Variants in ADGRV1 observed in about 807,000 individuals in gnomAD.
ADGRV1 encodes the protein adhesion G protein-coupled receptor V1.
A neutral mutation model predicts 596.2 loss-of-function variants in ADGRV1; 359 were observed. That is an observed-to-expected ratio of 0.60 (90% CI 0.55 to 0.66). ADGRV1 has a LOEUF of 0.66. ADGRV1 is among the 30% of genes least tolerant of loss of function. The probability of loss-of-function intolerance (pLI) is 0.00; values close to 1 mark genes in which losing one functional copy is unlikely to be tolerated. For synonymous variants in ADGRV1, 2,681 were observed against 2,679.2 expected (o/e 1.00, Z -0.02); for missense variants, 7,274 against 7,575.6 (o/e 0.96, Z 1.48).
chr5:90,658,214 T>G lies in ADGRV1; in HGVS notation c.4688T>G (p.Leu1563Ter). 6.4e-7 allele frequency: 1 copy of G among 1,558,900 alleles called. No individual in the cohort carries two copies. The highest frequency in any genetic ancestry group is 8.7e-7 in the Non-Finnish European group (1 of 1,152,400). Residue 1563 changes from leucine (L) to a stop codon, truncating the protein, a stop_gained, in exon 21 of 90, where the codon TTA becomes TGA. Transcript: ENST00000405460. LOFTEE classifies it high-confidence loss of function. The stretch of plus-strand genomic sequence containing the variant: ...TCGGAAGAAAATACTACTGCAAGAT[T>G]AACAATACAAAAAAGTGACAATGCA... ...RISEENTTAR[L>*]TIQKSDNANG...
chr5:90,642,651 C>A lies in ADGRV1; in HGVS notation c.2256C>A (p.Asn752Lys). The A allele has an allele frequency of 6.2e-7, 1 of 1,613,190 alleles. No homozygotes were observed. Among genetic ancestry groups the A allele is most frequent in the South Asian group, 1.1e-5 (1 of 90,956 alleles). The change falls in exon 12 of 90, where the codon AAC (asparagine) becomes AAA (lysine). Residue 752 changes from asparagine to lysine, a missense_variant. Around this residue, in one of 5 missense-constraint regions of ADGRV1, gnomAD observed 1,715 missense variants for 1,708.8 expected, o/e 1.00. Transcript: ENST00000405460. The stretch of plus-strand genomic sequence containing the variant: ...ACTTCTCTAGGGTTAACGTGGAAAA[C>A]CAAGTGCTGAAATCTGGATATACTA... ...TLSLDRVNVE[N>K]QVLKSGYTSR...
At chr5:90,928,063 C>T (rs1358727078) in intron 83 of ADGRV1, among the ~76,000 whole-genome samples, 3 of 152,162 alleles carry the variant, frequency 2.0e-5, no homozygotes, top group African/African-American at 7.2e-5. Flanking sequence ...CTGCCCTTAA[C>T]ATTTTTTCCT....
intron 52 of ADGRV1, among the ~76,000 whole-genome samples, chr5:90,747,166 G>A (rs545018751): frequency 3.9e-5 from 6 of 152,124 alleles, no homozygotes; most frequent in Non-Finnish European, 7.4e-5. Context: ...ATGAGGGTGT[G>A]AGCTATGTAA....
intron 83 of ADGRV1, among the ~76,000 whole-genome samples, chr5:90,962,449 T>C (rs1019456436): frequency 6.6e-6 from 1 of 152,228 alleles, no homozygotes; most frequent in Non-Finnish European, 1.5e-5. Flanking sequence ...TCTGGTAATC[T>C]CTATGTGTTT....
At chr5:90,928,949 T>A (rs1033130950) in intron 83 of ADGRV1, among the ~76,000 whole-genome samples, 2 of 146,300 alleles carry the variant, frequency 1.4e-5, no homozygotes, top group Admixed American at 1.4e-4. Context: ...TGCTCGGGGG[T>A]CAGGGGTCAG....
At chr5:90,579,020 G>T (rs534012463) in intron 1 of ADGRV1, among the ~76,000 whole-genome samples, 1 of 151,928 alleles carries the variant, frequency 6.6e-6, no homozygotes, top group African/African-American at 2.4e-5. Context: ...TCTTGCTAGC[G>T]GTCTACCTAT....
chr5:90,955,195 C>T (rs1027898126), intron 83 of ADGRV1, among the ~76,000 whole-genome samples: 1 of 152,106 alleles, frequency 6.6e-6, no homozygotes, highest in East Asian at 1.9e-4. Context: ...GATAAATAAA[C>T]GTTTGTTGTT....
intron 3 of ADGRV1, among the ~76,000 whole-genome samples, 183 bp downstream of exon 3, chr5:90,618,136 C>T (rs1763603332): frequency 6.6e-6 from 1 of 152,186 alleles, no homozygotes; most frequent in African/African-American, 2.4e-5. Context: ...ATTCCTTGAT[C>T]TTGTTCAGAA....
In ADGRV1 at chr5:90,791,156, G is replaced by T. The variant is rs1361391405; in HGVS notation, c.14327G>T (p.Gly4776Val). 6.2e-7 allele frequency: 1 copy of T among 1,613,904 alleles called. No individual in the cohort carries two copies. The highest frequency in any genetic ancestry group is 2.2e-5 in the East Asian group (1 of 44,876). Residue 4776 changes from glycine to valine, a missense_variant, in exon 70 of 90, where the codon GGG becomes GTG. Physicochemically the swap from Gly to Val is moderately radical, Grantham distance 109 (BLOSUM62 -3). Transcript: ENST00000405460. ...TCGGATCGCCAGTCAATACTTATTG[G>T]GCAGAACCTTATTAGATCCATCCAA... The part of the protein sequence containing the change: ...LYSDRQSILI[G>V]QNLIRSIQIN...
At position 90,829,176 on chromosome 5, in the gene ADGRV1, T is replaced by C. The variant is rs753383512; in HGVS notation, c.16601T>C (p.Phe5534Ser). 1 of 1,527,706 alleles carries C rather than the reference T, an allele frequency of 6.5e-7. No individual in the cohort carries two copies. Among genetic ancestry groups the C allele is most frequent in the Non-Finnish European group, 8.9e-7 (1 of 1,127,942 alleles). The allele number at this position is 1,527,706 out of a possible 1,614,324, so 94.6% of individuals were successfully genotyped here. A position where few individuals can be genotyped will look rare whatever the true frequency, so the allele number is the denominator to read the frequency against. ...SGTGLMMSVN[F>S]STQELRSAET... ...ACAGGACTAATGATGTCTGTTAACT[T>C]TAGTACCCAGGTAAGCATGGAATAT... is the stretch of plus-strand genomic sequence containing the variant. The change falls in exon 77 of 90, where the codon TTT (phenylalanine) becomes TCT (serine). Residue 5534 changes from phenylalanine to serine, a missense_variant. Phe to Ser is a radical substitution (Grantham distance 155). Transcript: ENST00000405460.
chr5:90,809,293 TACACACAC>T (rs60659185), intron 73 of ADGRV1, among the ~76,000 whole-genome samples: 2 of 134,536 alleles, frequency 1.5e-5, no homozygotes, highest in African/African-American at 2.8e-5. Context: ...CGGGCATAAA[TACACACAC>T]ACACACACAC....
intron 86 of ADGRV1, among the ~76,000 whole-genome samples, chr5:91,080,038 C>T (rs534347833): frequency 2.6e-4 from 39 of 152,042 alleles, no homozygotes; most frequent in Admixed American, 2.0e-3. Context: ...CGTATGTTAT[C>T]TCAGTTTAAT....
chr5:90,718,213 C>G (rs528216508), intron 43 of ADGRV1: 1 of 152,158 alleles, frequency 6.6e-6, no homozygotes, highest in Admixed American at 6.5e-5. Flanking sequence ...CTAGATATTT[C>G]GCATATGTGA....
Position 91,099,144 on chromosome 5 carries a change from G to A in ADGRV1, c.18311-3075G>A, listed in dbSNP as rs533565613. On this transcript the variant is annotated intron_variant, in intron 86 of 89. Coordinates refer to ENST00000405460, the MANE Select transcript of ADGRV1 (RefSeq NM_032119.4). ...AGTGACAAAGAAATTATTCATCTACGTAAATCTTCTTGTATTAGTCTTACT... is the reference window on the plus strand; with the variant it reads ...AGTGACAAAGAAATTATTCATCTACATAAATCTTCTTGTATTAGTCTTACT... Among the ~76,000 whole-genome samples, 8 of 151,726 alleles carry A rather than the reference G, an allele frequency of 5.3e-5. No homozygotes were observed. The East Asian group carries it at 7.7e-4, about 15-fold the overall frequency.
At chr5:90,675,514 G>A in intron 24 of ADGRV1, 69 bp downstream of exon 24, 3 of 1,351,292 alleles carry the variant, frequency 2.2e-6, no homozygotes, top group Non-Finnish European at 3.1e-6. Context: ...CTCTGGAAGG[G>A]ATATACACTG....
rs1437575215 is a variant in ADGRV1, at chr5:90,675,384, G to C, written c.5252G>C (p.Gly1751Ala). ...LLVIRAQGLLGRVTAEFRTVS... is the reference protein window; with the variant it reads ...LLVIRAQGLLARVTAEFRTVS... The stretch of plus-strand genomic sequence containing the variant: ...GTCATCCGTGCACAGGGACTTCTGG[G>C]AAGGGTGACTGCGGAATTTAGAACA... The change falls in exon 24 of 90, where the codon GGA becomes GCA. Residue 1751 changes from glycine (G) to alanine (A), a missense_variant. Gly to Ala is a moderately conservative substitution (Grantham distance 60). This residue lies in a region of ADGRV1 where 3,643 missense variants were observed against 3,809.2 expected (regional missense o/e 0.96). Transcript: ENST00000405460. 2 of 1,613,880 alleles carry C rather than the reference G, an allele frequency of 1.2e-6. No homozygotes were observed. Among genetic ancestry groups the C allele is most frequent in the African/African-American group, 2.7e-5 (2 of 75,052 alleles).
chr5:90,997,133 G>T (rs541479118), intron 85 of ADGRV1, among the ~76,000 whole-genome samples: 1 of 152,288 alleles, frequency 6.6e-6, no homozygotes, highest in African/African-American at 2.4e-5. Flanking sequence ...ATTGTGTTTT[G>T]AAATGTGAGG....
chr5:91,030,639 G>T (rs1314071498), intron 85 of ADGRV1, among the ~76,000 whole-genome samples: 1 of 151,872 alleles, frequency 6.6e-6, no homozygotes, highest in East Asian at 1.9e-4. Flanking sequence ...TTAACACAAT[G>T]GAAATGTTCA....
chr5:90,583,394 C>G (rs970094891), intron 1 of ADGRV1, among the ~76,000 whole-genome samples: 1 of 152,076 alleles, frequency 6.6e-6, no homozygotes, highest in Non-Finnish European at 1.5e-5. Context: ...ATTGAGCTGG[C>G]AATTTCTGCT....
Sources: allele counts gnomAD v4.1 joint callset (sites outside exome capture counted in the v4.1 genomes callset), GRCh38; gene constraint gnomAD v4.1.1; regional missense constraint gnomAD v4.1.1; transcripts MANE v1.5; gene names NCBI Gene and HGNC (gene_info 2026-07-23, HGNC 2026-07-21).